Variants in WDR7 observed in about 807,000 individuals in gnomAD.
The protein encoded by WDR7 is WD repeat-containing protein 7.
WDR7 carries 46 observed loss-of-function variants against 169.4 expected under a neutral mutation model. The observed-to-expected ratio is 0.27, with a 90% CI of 0.21 to 0.35. The LOEUF is 0.35. Among genes scored for constraint, WDR7 ranks in the 10% least tolerant of loss-of-function variants. The pLI, the probability that WDR7 is intolerant of heterozygous loss-of-function variation, is 1.00. For synonymous variants in WDR7, 612 were observed against 666.8 expected (o/e 0.92, Z 1.27); for missense variants, 1,534 against 1,859.3 (o/e 0.83, Z 3.22).
intron 21 of WDR7, among the ~76,000 whole-genome samples, chr18:56,899,297 G>A (rs1486462750): frequency 6.6e-6 from 1 of 151,934 alleles, no homozygotes; most frequent in Admixed American, 6.6e-5. Flanking sequence ...CTTTATCCAT[G>A]TCCATTAAGC....
intron 21 of WDR7, among the ~76,000 whole-genome samples, chr18:56,905,016 G>A (rs1442022493): frequency 6.6e-6 from 1 of 152,176 alleles, no homozygotes; most frequent in South Asian, 2.1e-4. Flanking sequence ...GTGTGGCTTA[G>A]AGAGTATGAA....
At chr18:57,026,934 G>T in intron 27 of WDR7, 70 bp from the exon 28 acceptor site, 1 of 1,500,612 alleles carries the variant, frequency 6.7e-7, no homozygotes, top group South Asian at 1.2e-5. Flanking sequence ...AGGAGAGATC[G>T]ACCCAGTCTC....
intron 21 of WDR7, among the ~76,000 whole-genome samples, chr18:56,885,820 CTG>C (rs2046182806): frequency 4.9e-5 from 7 of 142,490 alleles, no homozygotes; most frequent in African/African-American, 1.7e-4. Flanking sequence ...GAGCGAGACT[CTG>C]TCTCAAAAAA....
intron 16 of WDR7, among the ~76,000 whole-genome samples, chr18:56,775,233 T>C (rs1408710838): frequency 3.9e-5 from 6 of 152,112 alleles, no homozygotes; most frequent in Non-Finnish European, 5.9e-5. Flanking sequence ...TTTCCAGGGA[T>C]AACAATTTCT....
intron 22 of WDR7, among the ~76,000 whole-genome samples, chr18:56,925,348 T>A (rs28703176): frequency 0.097 from 14,708 of 152,230 alleles, 2,304 homozygotes; most frequent in African/African-American, 0.33. Flanking sequence ...ACCACCAGAC[T>A]GTTTTCCCAC....
At chr18:56,703,267 A>G (rs978280584) in intron 12 of WDR7, among the ~76,000 whole-genome samples, 1 of 152,234 alleles carries the variant, frequency 6.6e-6, no homozygotes, top group Non-Finnish European at 1.5e-5. Context: ...CAGTGTGGCT[A>G]ATGTTCACAG....
Position 56,718,068 on chromosome 18 carries a change from T to G in WDR7, c.1683T>G (p.Phe561Leu), listed in dbSNP as rs1296811654. 1 of 1,614,152 alleles carries G rather than the reference T, an allele frequency of 6.2e-7. No homozygotes were observed. Among genetic ancestry groups the G allele is most frequent in the Non-Finnish European group, 8.5e-7 (1 of 1,179,994 alleles). The change falls in exon 13 of 28, where the codon TTT becomes TTG. Residue 561 changes from phenylalanine to leucine, a missense_variant. Coordinates refer to ENST00000254442, the MANE Select transcript of WDR7 (RefSeq NM_015285.3). The stretch of plus-strand genomic sequence containing the variant: ...TAATGTTGGCATCTCGTCACCTTTT[T>G]CCTATTCAAGTAATCAAATGGAGGC... ...KCIMLASRHL[F>L]PIQVIKWRPS...
intron 1 of WDR7, among the ~76,000 whole-genome samples, chr18:56,652,612 A>T (rs1023105489): frequency 6.6e-6 from 1 of 152,250 alleles, no homozygotes; most frequent in Non-Finnish European, 1.5e-5. Context: ...TCCATCCAGA[A>T]CAATACATAT....
intron 26 of WDR7, among the ~76,000 whole-genome samples, chr18:57,019,330 T>C (rs2048252715): frequency 6.6e-6 from 1 of 152,204 alleles, no homozygotes; most frequent in African/African-American, 2.4e-5. Context: ...TTGAGTTAGA[T>C]ATTATCATTA....
At chr18:56,667,676 G>T (rs748915063) in intron 1 of WDR7, among the ~76,000 whole-genome samples, 15 of 152,054 alleles carry the variant, frequency 9.9e-5, no homozygotes, top group Non-Finnish European at 1.9e-4. Context: ...ATTTAAAACT[G>T]CTTTTTCTTT....
intron 21 of WDR7, chr18:56,890,879 C>CAA (rs2046255362): frequency 6.6e-6 from 1 of 152,200 alleles, no homozygotes; most frequent in South Asian, 2.1e-4. Flanking sequence ...ATCACCATTA[C>CAA]ATCTGTGTTT....
chr18:56,722,622 C>T (rs555187636), intron 13 of WDR7, among the ~76,000 whole-genome samples: 1 of 152,028 alleles, frequency 6.6e-6, no homozygotes, highest in Non-Finnish European at 1.5e-5. Context: ...TTTCTTTTTT[C>T]TCTTTTAATG....
chr18:56,960,100 A>G (rs1456130007), intron 25 of WDR7, among the ~76,000 whole-genome samples: 2 of 152,230 alleles, frequency 1.3e-5, no homozygotes, highest in African/African-American at 2.4e-5. Context: ...TCTTTAAGTT[A>G]TTGTTTACAA....
intron 19 of WDR7, among the ~76,000 whole-genome samples, chr18:56,800,084 T>C (rs2044647364): frequency 6.6e-6 from 1 of 152,210 alleles, no homozygotes; most frequent in Admixed American, 6.5e-5. Flanking sequence ...ATTCTCTTTA[T>C]ACACTGTCGT....
intron 19 of WDR7, among the ~76,000 whole-genome samples, chr18:56,793,957 C>CT (rs889733160): frequency 2.0e-5 from 3 of 152,080 alleles, no homozygotes; most frequent in Non-Finnish European, 4.4e-5. Context: ...ATCAGTGAAT[C>CT]TTTTTTTCTT....
intron 3 of WDR7, 38 bp from the exon 4 acceptor site, chr18:56,681,275 A>G: frequency 2.9e-6 from 4 of 1,369,280 alleles, no homozygotes; most frequent in Non-Finnish European, 3.0e-6. Flanking sequence ...GTGCTTTAAA[A>G]AGTCACACTC....
At chr18:56,909,039 A>ATATT (rs2046518248) in intron 21 of WDR7, among the ~76,000 whole-genome samples, 2 of 152,166 alleles carry the variant, frequency 1.3e-5, no homozygotes, top group African/African-American at 4.8e-5. Context: ...TAATATATCA[A>ATATT]GAGTCTACCC....
At chr18:56,778,924 G>T (rs2044278177) in intron 17 of WDR7, among the ~76,000 whole-genome samples, 1 of 152,060 alleles carries the variant, frequency 6.6e-6, no homozygotes, top group Non-Finnish European at 1.5e-5. Flanking sequence ...GTAAGAAAAG[G>T]TACCTTAATG....
intron 26 of WDR7, among the ~76,000 whole-genome samples, chr18:56,997,085 T>C (rs2047908810): frequency 6.6e-6 from 1 of 152,226 alleles, no homozygotes; most frequent in African/African-American, 2.4e-5. Flanking sequence ...CTTAATTTTC[T>C]GAGCATCTTA....
Sources: gnomAD v4.1 joint callset for allele counts (sites outside exome capture counted in the v4.1 genomes callset) on GRCh38, gnomAD v4.1.1 for gene constraint, MANE v1.5 for transcripts, NCBI Gene and HGNC (gene_info 2026-07-23, HGNC 2026-07-21) for gene names.